Variants in TSLP observed in about 807,000 individuals in gnomAD.
The protein encoded by TSLP is thymic stromal lymphopoietin.
TSLP carries 12 observed loss-of-function variants against 12.4 expected under a neutral mutation model. The observed-to-expected ratio is 0.97, with a 90% confidence interval of 0.62 to 1.57. TSLP has a LOEUF of 1.57. Among genes scored for constraint, TSLP ranks in the 40% most tolerant of loss-of-function variants. TSLP has a pLI of 0.00. For missense variants in TSLP, 222 were observed against 189.6 expected (o/e 1.17, Z -1.00); for synonymous variants, 97 against 69.5 (o/e 1.40, Z -1.97).
chr5:111,072,256 G>A (rs1752360844), intron 1 of TSLP, among the ~76,000 whole-genome samples, 195 bp downstream of exon 1: 1 of 152,210 alleles, frequency 6.6e-6, no homozygotes, highest in South Asian at 2.1e-4. Context: ...CACATTCTAA[G>A]TGTGCAGATG....
At chr5:111,074,808 C>T (rs369524068) in intron 3 of TSLP, among the ~76,000 whole-genome samples, 4 of 151,936 alleles carry the variant, frequency 2.6e-5, no homozygotes, top group East Asian at 3.9e-4. Context: ...TTAGTAGAGA[C>T]GGGGTTTCAC....
At chr5:111,073,429 T>C in intron 2 of TSLP, 82 bp from the exon 3 acceptor site, 1 of 1,591,500 alleles carries the variant, frequency 6.3e-7, no homozygotes, top group Non-Finnish European at 8.6e-7. Flanking sequence ...CTTCCTCCCC[T>C]CCCCTTTCAC....
intron 2 of TSLP, 70 bp from the exon 3 acceptor site, chr5:111,073,441 C>G: frequency 2.5e-6 from 4 of 1,601,524 alleles, no homozygotes; most frequent in Non-Finnish European, 3.4e-6. Flanking sequence ...CCCTTTCACT[C>G]AATTCTCACC....
At chr5:111,073,941 A>G (rs1455383095) in intron 3 of TSLP, among the ~76,000 whole-genome samples, 2 of 152,224 alleles carry the variant, frequency 1.3e-5, no homozygotes, top group Non-Finnish European at 2.9e-5. Flanking sequence ...TTGCTGGAGC[A>G]TAAGAGTATG....
At chr5:111,072,735 T>C (rs1038725194) in intron 1 of TSLP, among the ~76,000 whole-genome samples, 153 bp from the exon 2 acceptor site, 9 of 152,172 alleles carry the variant, frequency 5.9e-5, no homozygotes, top group African/African-American at 1.9e-4. Flanking sequence ...CTAATGGCTA[T>C]TTCACTGCCT....
chr5:111,072,919 C>G lies in TSLP; in HGVS notation c.203C>G (p.Ser68Cys). Reference sequence around the variant, plus strand: ...AGTACCGAGTTCAACAACACCGTCTCTTGTAGCAATCGGGTGAGTAGAGAG... The same window carrying G: ...AGTACCGAGTTCAACAACACCGTCTGTTGTAGCAATCGGGTGAGTAGAGAG... ...TKSTEFNNTV[S>C]CSNRPHCLTE... The change falls in exon 2 of 4, where the codon TCT becomes TGT. Residue 68 changes from serine to cysteine, a missense_variant. Transcript: ENST00000344895. The G allele has an allele frequency of 6.2e-7, 1 of 1,614,248 alleles. No individual in the cohort carries two copies. Among genetic ancestry groups the G allele is most frequent in the Non-Finnish European group, 8.5e-7 (1 of 1,180,038 alleles).
rs1266264879 is a variant in TSLP at position 111,077,325 on chromosome 5, G to A, written c.*1251G>A. On this transcript the variant is annotated 3_prime_UTR_variant, in exon 4 of 4. Transcript: ENST00000344895. ...ATCCATCTTACTTGCCAACAGGTAA[G>A]AGGAAGCTTACATTACATGTCCAGT... 6.6e-6 allele frequency: 1 copy of A among 152,262 alleles called. No homozygotes were observed. Among genetic ancestry groups the A allele is most frequent in the Non-Finnish European group, 1.5e-5 (1 of 68,052 alleles). The allele number at this position is 152,262 out of a possible 1,614,324, so 9.4% of individuals were successfully genotyped here.
chr5:111,075,496 G>A (rs974986422), intron 3 of TSLP, among the ~76,000 whole-genome samples: 11 of 152,134 alleles, frequency 7.2e-5, no homozygotes, highest in African/African-American at 2.4e-4. Context: ...TGCCCATGAG[G>A]AACTTGTGAT....
chr5:111,071,312 A>T, upstream of TSLP: 1 of 826,070 alleles, frequency 1.2e-6, no homozygotes, highest in Non-Finnish European at 1.7e-6. Context: ...GAAAGTGGCC[A>T]CAGGAAATGC....
At chr5:111,075,149 T>A (rs1354621797) in intron 3 of TSLP, among the ~76,000 whole-genome samples, 1 of 152,086 alleles carries the variant, frequency 6.6e-6, no homozygotes, top group African/African-American at 2.4e-5. Flanking sequence ...AAGGGAGAGT[T>A]TGGAGAAATT....
In TSLP at chr5:111,073,626, C is replaced by T; in HGVS notation, c.332C>T (p.Pro111Leu). 1 of 1,614,190 alleles carries T rather than the reference C, an allele frequency of 6.2e-7. No homozygotes were observed. The highest frequency in any genetic ancestry group is 8.5e-7 in the Non-Finnish European group (1 of 1,180,034). ...AAGGCTGCCTTAGCTATCTGGTGCC[C>T]AGGCTATTCGGAAACTCAGGTAAGC... is the stretch of plus-strand genomic sequence containing the variant. ...KTKAALAIWC[P>L]GYSETQINAT... Residue 111 changes from proline to leucine, a missense_variant, in exon 3 of 4, where the codon CCA (proline) becomes CTA (leucine). Pro to Leu is a moderately conservative substitution (Grantham distance 98). Coordinates refer to ENST00000344895, the MANE Select transcript of TSLP (RefSeq NM_033035.5).
Position 111,077,990 on chromosome 5 carries a change from G to A in TSLP, c.*1916G>A, listed in dbSNP as rs76271681. ...ATAGTATACGGTCAGTTATGTCAAT[G>A]TTTCATGGTCAATAAAAAGGAAGTT... is the stretch of plus-strand genomic sequence containing the variant. On this transcript the variant is annotated 3_prime_UTR_variant, in exon 4 of 4. Transcript: ENST00000344895. 3.9e-5 allele frequency: 6 copies of A among 152,534 alleles called. No homozygotes were observed. The East Asian group carries it at 1.2e-3, about 29-fold the overall frequency. The allele number at this position is 152,534 out of a possible 1,614,324, so 9.4% of individuals were successfully genotyped here.
chr5:111,075,298 A>C (rs890775812), intron 3 of TSLP, among the ~76,000 whole-genome samples: 2 of 152,150 alleles, frequency 1.3e-5, no homozygotes, highest in African/African-American at 4.8e-5. Context: ...CCAGTGTACT[A>C]CTCAAAGGTA....
intron 2 of TSLP, 83 bp from the exon 3 acceptor site, chr5:111,073,428 C>T (rs1194684716): frequency 1.3e-6 from 2 of 1,591,038 alleles, no homozygotes; most frequent in Admixed American, 3.4e-5. Flanking sequence ...CCTTCCTCCC[C>T]TCCCCTTTCA....
At position 111,072,897 on chromosome 5, in the gene TSLP, A is replaced by G. The variant is rs199671638; in HGVS notation, c.181A>G (p.Thr61Ala). The change falls in exon 2 of 4, where the codon ACC becomes GCC. Residue 61 changes from threonine (T) to alanine (A), a missense_variant. Thr to Ala is a moderately conservative substitution (Grantham distance 58). Coordinates refer to ENST00000344895, the MANE Select transcript of TSLP (RefSeq NM_033035.5). ...TTTTTCTTTCTTCCAGACCAAAAGT[A>G]CCGAGTTCAACAACACCGTCTCTTG... Reference protein sequence around the residue: ...LITYMSGTKSTEFNNTVSCSN... With the variant: ...LITYMSGTKSAEFNNTVSCSN... 114 of 1,614,244 alleles carry G rather than the reference A, an allele frequency of 7.1e-5. No homozygotes were observed. In the Middle Eastern group the frequency reaches 1.5e-3, roughly 21 times the overall value.
chr5:111,073,532 C>A lies in TSLP; in HGVS notation c.238C>A (p.Gln80Lys). ...SNRPHCLTEI[Q>K]SLTFNPTAGC... ...GCAGCCACATTGCCTTACTGAAATC[C>A]AGAGCCTAACCTTCAATCCCACCGC... The change falls in exon 3 of 4, where the codon CAG becomes AAG. Residue 80 changes from glutamine (Q) to lysine (K), a missense_variant. Coordinates refer to ENST00000344895, the MANE Select transcript of TSLP (RefSeq NM_033035.5). 6.2e-7 allele frequency: 1 copy of A among 1,614,132 alleles called. No homozygotes were observed.
At position 111,077,755 on chromosome 5, in the gene TSLP, T is replaced by TA. The variant is rs1447478157; in HGVS notation, c.*1686dup. The stretch of plus-strand genomic sequence containing the variant: ...TTCTTTGAATCTTCTGCTTTATCTT[T>TA]AAAAATTTGTATAATTTATATATTT... On this transcript the variant is annotated 3_prime_UTR_variant, in exon 4 of 4. Coordinates refer to ENST00000344895, the MANE Select transcript of TSLP (RefSeq NM_033035.5). 1.3e-5 allele frequency: 2 copies of TA among 152,614 alleles called. No homozygotes were observed. The highest frequency in any genetic ancestry group is 1.3e-4 in the Admixed American group (2 of 15,282). The allele number at this position is 152,614 out of a possible 1,614,324, so 9.5% of individuals were successfully genotyped here. A position where few individuals can be genotyped will look rare whatever the true frequency, so the allele number is the denominator to read the frequency against.
chr5:111,074,848 G>A (rs1752456564), intron 3 of TSLP, among the ~76,000 whole-genome samples: 1 of 151,948 alleles, frequency 6.6e-6, no homozygotes, highest in Admixed American at 6.6e-5. Flanking sequence ...TCGAATTCCT[G>A]ACCTTGTGAT....
Position 111,076,256 on chromosome 5 carries a change from T to TACTC in TSLP, c.*183_*186dup, listed in dbSNP as rs1378148214. ...TAAGTTTATAATGCAGGGGAAGTACTACTCCTCAAATGTTGAGGGAAGCTT... is the reference window on the plus strand; with the variant it reads ...TAAGTTTATAATGCAGGGGAAGTACTACTCACTCCTCAAATGTTGAGGGAAGCTT... On this transcript the variant is annotated 3_prime_UTR_variant, in exon 4 of 4. Transcript: ENST00000344895. 7.6e-6 allele frequency: 5 copies of TACTC among 658,996 alleles called. No homozygotes were observed. Among genetic ancestry groups the TACTC allele is most frequent in the Non-Finnish European group, 1.3e-5 (5 of 397,322 alleles). 40.8% of individuals were successfully genotyped at this position (658,996 alleles called of 1,614,324 possible). A position where few individuals can be genotyped will look rare whatever the true frequency, so the allele number is the denominator to read the frequency against.
Sources: allele counts gnomAD v4.1 joint callset (sites outside exome capture counted in the v4.1 genomes callset), GRCh38; gene constraint gnomAD v4.1.1; transcripts MANE v1.5; gene names NCBI Gene and HGNC (gene_info 2026-07-23, HGNC 2026-07-21).